The following SCFD2 variants were observed in gnomAD, a reference collection of about 807,000 sequenced individuals.
The protein encoded by SCFD2 is sec1 family domain containing 2, also known as sec1 family domain-containing protein 2.
A neutral mutation model predicts 58.9 loss-of-function variants in SCFD2; 54 were observed. The ratio of observed to expected loss-of-function variants is 0.92; its 90% CI spans 0.74 to 1.15. The LOEUF (loss-of-function observed/expected upper bound fraction) is 1.15. Ranked by LOEUF, SCFD2 falls within the 50% of genes most tolerant of loss-of-function variation. The pLI is 0.00. For missense variants in SCFD2, 805 were observed against 836.6 expected (o/e 0.96, Z 0.47); for synonymous variants, 321 against 335.9 (o/e 0.96, Z 0.49).
At chr4:53,318,097 G>GAAC (rs1732918650) in intron 2 of SCFD2, among the ~76,000 whole-genome samples, 1 of 152,134 alleles carries the variant, frequency 6.6e-6, no homozygotes. Context: ...AGATAATGTA[G>GAAC]AATTCATACA....
intron 4 of SCFD2, among the ~76,000 whole-genome samples, chr4:53,202,716 T>C (rs1175816383): frequency 6.6e-6 from 1 of 152,182 alleles, no homozygotes; most frequent in African/African-American, 2.4e-5. Context: ...CAGTGGTTTG[T>C]AGTTCTCCTT....
intron 2 of SCFD2, among the ~76,000 whole-genome samples, chr4:53,326,360 C>A (rs1238935908): frequency 6.6e-6 from 1 of 152,154 alleles, no homozygotes; most frequent in East Asian, 1.9e-4. Flanking sequence ...CTAGCCTGGT[C>A]TCGAACTCCT....
intron 6 of SCFD2, among the ~76,000 whole-genome samples, chr4:52,909,601 C>T (rs1719434467): frequency 6.6e-6 from 1 of 152,150 alleles, no homozygotes; most frequent in South Asian, 2.1e-4. Flanking sequence ...GAAGACTTTT[C>T]ATTGTATTGT....
intron 5 of SCFD2, among the ~76,000 whole-genome samples, chr4:52,998,137 T>A (rs1367185374): frequency 6.6e-6 from 1 of 152,096 alleles, no homozygotes; most frequent in African/African-American, 2.4e-5. Context: ...GAAACTGAGA[T>A]GAGTGCACAA....
At chr4:53,063,092 A>T (rs2148842229) in intron 5 of SCFD2, among the ~76,000 whole-genome samples, 1 of 152,314 alleles carries the variant, frequency 6.6e-6, no homozygotes, top group Middle Eastern at 3.4e-3. Flanking sequence ...AATACCTAAG[A>T]CAAGGTTTTG....
Position 52,944,451 on chromosome 4 carries a change from A to T in SCFD2, c.1562-23581T>A, listed in dbSNP as rs960963207. Among the ~76,000 whole-genome samples, 4 of 152,350 alleles carry T rather than the reference A, an allele frequency of 2.6e-5. No individual in the cohort carries two copies. The South Asian group carries it at 8.3e-4, about 32-fold the overall frequency. On this transcript the variant is annotated intron_variant, in intron 5 of 8. Transcript: ENST00000401642. Reference sequence around the variant, plus strand: ...CAAGTAGGGTTAAAACCACTAAAGGAAGAGACCATAAGACAGAAAAAGATA... The same window carrying T: ...CAAGTAGGGTTAAAACCACTAAAGGTAGAGACCATAAGACAGAAAAAGATA...
At chr4:53,171,197 T>C (rs1727167571) in intron 4 of SCFD2, among the ~76,000 whole-genome samples, 1 of 152,230 alleles carries the variant, frequency 6.6e-6, no homozygotes, top group South Asian at 2.1e-4. Flanking sequence ...CTACTAGACC[T>C]AATTTGTTGA....
At chr4:53,329,666 GAAACTCTA>G (rs941233827) in intron 2 of SCFD2, among the ~76,000 whole-genome samples, 18 of 152,216 alleles carry the variant, frequency 1.2e-4, no homozygotes, top group African/African-American at 4.3e-4. Context: ...AGAAAAAGTA[GAAACTCTA>G]AAACGCAGAG....
intron 4 of SCFD2, among the ~76,000 whole-genome samples, chr4:53,155,685 G>A (rs535476608): frequency 1.3e-5 from 2 of 148,744 alleles, no homozygotes; most frequent in African/African-American, 2.4e-5. Flanking sequence ...AAGACACAGA[G>A]ACACACTGAA....
At chr4:53,104,498 G>A (rs931063347) in intron 5 of SCFD2, among the ~76,000 whole-genome samples, 1 of 152,110 alleles carries the variant, frequency 6.6e-6, no homozygotes, top group Non-Finnish European at 1.5e-5. Flanking sequence ...CACCCTGGAT[G>A]GAATCCTAGA....
chr4:52,993,960 A>G (rs915291814), intron 5 of SCFD2, among the ~76,000 whole-genome samples: 4 of 152,248 alleles, frequency 2.6e-5, no homozygotes, highest in Non-Finnish European at 5.9e-5. Context: ...AACAAAGCGC[A>G]GACCGCATTG....
At chr4:53,053,692 C>T (rs572142186) in intron 5 of SCFD2, among the ~76,000 whole-genome samples, 8 of 152,166 alleles carry the variant, frequency 5.3e-5, no homozygotes, top group South Asian at 2.1e-4. Flanking sequence ...AGAGAGGACT[C>T]GGCCTGCTGT....
At chr4:53,027,234 C>T (rs943257135) in intron 5 of SCFD2, among the ~76,000 whole-genome samples, 14 of 152,098 alleles carry the variant, frequency 9.2e-5, no homozygotes, top group Admixed American at 9.2e-4. Flanking sequence ...GAGGTCTGCT[C>T]AGTTACCCAG....
rs532159218 is a variant in SCFD2 at position 52,987,983 on chromosome 4, G to A, written c.1562-67113C>T. 2.3e-4 allele frequency among the ~76,000 whole-genome samples: 35 copies of A among 152,270 alleles called. No individual in the cohort carries two copies. The South Asian group carries it at 5.4e-3, about 23-fold the overall frequency. On this transcript the variant is annotated intron_variant, in intron 5 of 8. Transcript: ENST00000401642. ...TGAAGAGAAAGTGCCAGGTTGAAAC[G>A]TCTGCGAAGATCAGAGAGTGTGACA...
chr4:52,968,493 T>G (rs1398110426), intron 5 of SCFD2, among the ~76,000 whole-genome samples: 2 of 152,082 alleles, frequency 1.3e-5, no homozygotes, highest in African/African-American at 4.8e-5. Context: ...GGTGTATGGG[T>G]GTGTGTGTGC....
intron 4 of SCFD2, among the ~76,000 whole-genome samples, chr4:53,271,369 G>C (rs1731161051): frequency 6.6e-6 from 1 of 151,726 alleles, no homozygotes; most frequent in African/African-American, 2.4e-5. Flanking sequence ...CATCAGTATA[G>C]ATTGCATAAA....
chr4:53,162,548 C>T (rs1252177377), intron 4 of SCFD2, among the ~76,000 whole-genome samples: 5 of 152,104 alleles, frequency 3.3e-5, no homozygotes, highest in Non-Finnish European at 2.9e-5. Context: ...AGTTTACAGT[C>T]CCACCAACAG....
intron 5 of SCFD2, among the ~76,000 whole-genome samples, chr4:52,995,229 A>C (rs1721715629): frequency 1.3e-5 from 2 of 152,180 alleles, no homozygotes; most frequent in Non-Finnish European, 2.9e-5. Flanking sequence ...GTAAAAGATC[A>C]TCAGGCATTA....
intron 1 of SCFD2, 131 bp downstream of exon 1, chr4:53,364,973 G>T (rs1397136041): frequency 2.8e-6 from 3 of 1,059,984 alleles, no homozygotes; most frequent in Non-Finnish European, 4.0e-6. Context: ...ATTAGAGACC[G>T]TGTCCATCTA....
Sources: allele counts gnomAD v4.1 joint callset (sites outside exome capture counted in the v4.1 genomes callset), GRCh38; gene constraint gnomAD v4.1.1; transcripts MANE v1.5; gene names NCBI Gene and HGNC (gene_info 2026-07-23, HGNC 2026-07-21).